The following SEC31A variants were observed in gnomAD, a reference collection of about 807,000 sequenced individuals.
The protein encoded by SEC31A is SEC31 homolog A, COPII component.
Under a neutral mutation model 151.0 loss-of-function variants are expected in SEC31A, and 70 were observed. The ratio of observed to expected loss-of-function variants is 0.46; its 90% CI spans 0.38 to 0.57. The LOEUF (loss-of-function observed/expected upper bound fraction) is 0.57. SEC31A is among the 20% of genes least tolerant of loss of function. The pLI, the probability that SEC31A is intolerant of heterozygous loss-of-function variation, is 0.00. For synonymous variants in SEC31A, 475 were observed against 505.9 expected (o/e 0.94, Z 0.82); for missense variants, 1,330 against 1,471.2 (o/e 0.90, Z 1.57).
At chr4:82,898,401 G>A (rs184815659) in intron 3 of SEC31A, among the ~76,000 whole-genome samples, 15 of 152,210 alleles carry the variant, frequency 9.9e-5, no homozygotes, top group Non-Finnish European at 1.8e-4. Flanking sequence ...TTCCTATGCA[G>A]AAGTAAATAT....
chr4:82,823,029 C>T (rs1436080570), intron 25 of SEC31A, among the ~76,000 whole-genome samples: 1 of 152,140 alleles, frequency 6.6e-6, no homozygotes, highest in East Asian at 1.9e-4. Context: ...AGCCCTACCC[C>T]AAGGGGGCAA....
chr4:82,870,348 A>G lies in SEC31A; in HGVS notation c.859T>C (p.Cys287Arg). The G allele has an allele frequency of 6.2e-7, 1 of 1,613,928 alleles. No individual in the cohort carries two copies. The highest frequency in any genetic ancestry group is 8.5e-7 in the Non-Finnish European group (1 of 1,179,812). ...LSCGKDAKIL[C>R]SNPNTGEVLY... ...ACCTCTCCTGTGTTTGGATTGGAGC[A>G]GAGAATCTTAGCATCTTTTCCACAG... Residue 287 changes from cysteine to arginine, a missense_variant, in exon 8 of 27, where the codon TGC becomes CGC. Cys to Arg is a radical substitution (Grantham distance 180). Transcript: ENST00000395310.
intron 5 of SEC31A, 96 bp downstream of exon 5, chr4:82,875,631 G>A: frequency 1.5e-6 from 1 of 684,008 alleles, no homozygotes; most frequent in South Asian, 1.8e-5. Context: ...AAACATATAT[G>A]TTTTGTGTGA....
At position 82,818,984 on chromosome 4, in the gene SEC31A, T is replaced by A. The variant is rs531962920; in HGVS notation, c.*90A>T. 7.1e-5 allele frequency: 72 copies of A among 1,008,380 alleles called. No homozygotes were observed. In the East Asian group the frequency reaches 1.8e-3, roughly 25 times the overall value. 62.5% of individuals were successfully genotyped at this position (1,008,380 alleles called of 1,614,324 possible). ...TTGACTGGTTGCTATGCAAACATGCTAATGAGGACTAGTCCATGTCTTATA... is the reference window on the plus strand; with the variant it reads ...TTGACTGGTTGCTATGCAAACATGCAAATGAGGACTAGTCCATGTCTTATA... On this transcript the variant is annotated 3_prime_UTR_variant, in exon 27 of 27. Coordinates refer to ENST00000395310, the MANE Select transcript of SEC31A (RefSeq NM_001077207.4).
intron 22 of SEC31A, among the ~76,000 whole-genome samples, chr4:82,830,305 A>G (rs953047877): frequency 5.9e-5 from 9 of 152,060 alleles, no homozygotes; most frequent in Admixed American, 5.9e-4. Flanking sequence ...TACTAAAAAT[A>G]CAAAAATTAG....
chr4:82,878,772 C>A lies in SEC31A; in HGVS notation c.360G>T (p.Lys120Asn). 2 of 1,614,064 alleles carry A rather than the reference C, an allele frequency of 1.2e-6. No individual in the cohort carries two copies. Among genetic ancestry groups the A allele is most frequent in the Non-Finnish European group, 1.7e-6 (2 of 1,179,950 alleles). ...CCAAGGCTCTCACTGGGCCAGTATGCTTGTCATTCTGGGCAATCACAACTT... is the reference window on the plus strand; with the variant it reads ...CCAAGGCTCTCACTGGGCCAGTATGATTGTCATTCTGGGCAATCACAACTT... ...DKEVVIAQNDKHTGPVRALDV... is the reference protein window; with the variant it reads ...DKEVVIAQNDNHTGPVRALDV... Residue 120 changes from lysine (K) to asparagine (N), a missense_variant, in exon 4 of 27, where the codon AAG becomes AAT. By Grantham distance (94) the Lys-to-Asn change is moderately conservative. Coordinates refer to ENST00000395310, the MANE Select transcript of SEC31A (RefSeq NM_001077207.4).
intron 15 of SEC31A, 46 bp from the exon 16 acceptor site, chr4:82,857,176 A>T (rs1375992531): frequency 6.5e-7 from 1 of 1,527,472 alleles, no homozygotes. Context: ...AGTTTTTGTT[A>T]CCAAAACCAA....
intron 22 of SEC31A, among the ~76,000 whole-genome samples, chr4:82,835,281 G>A (rs377693232): frequency 2.0e-5 from 3 of 152,048 alleles, no homozygotes; most frequent in South Asian, 2.1e-4. Context: ...GATTCATTAC[G>A]GATGTGAAAA....
chr4:82,871,323 CA>C (rs1736616097), intron 7 of SEC31A: 3 of 1,499,616 alleles, frequency 2.0e-6, no homozygotes, highest in Admixed American at 2.1e-5. Context: ...CACACACACA[CA>C]CACACACACA....
At chr4:82,841,730 G>A (rs1728924106) in intron 22 of SEC31A, among the ~76,000 whole-genome samples, 1 of 151,666 alleles carries the variant, frequency 6.6e-6, no homozygotes, top group African/African-American at 2.4e-5. Context: ...CCAGCACTTT[G>A]GGAGGCCGAA....
intron 21 of SEC31A, 146 bp downstream of exon 21, chr4:82,844,240 A>G (rs1395082312): frequency 6.2e-6 from 5 of 809,178 alleles, no homozygotes; most frequent in South Asian, 2.1e-5. Context: ...CTAAAAAAAC[A>G]TGTCTCTTTG....
intron 18 of SEC31A, among the ~76,000 whole-genome samples, chr4:82,852,975 G>A (rs1199957327): frequency 6.6e-5 from 10 of 152,138 alleles, no homozygotes; most frequent in Admixed American, 3.9e-4. Context: ...ATAAGGGTTC[G>A]TGCTCCCACG....
At chr4:82,884,908 A>T (rs1254153204) in intron 1 of SEC31A, among the ~76,000 whole-genome samples, 1 of 152,192 alleles carries the variant, frequency 6.6e-6, no homozygotes, top group African/African-American at 2.4e-5. Context: ...ACAGTGAATT[A>T]AGTCTCTTAC....
At position 82,851,448 on chromosome 4, in the gene SEC31A, G is replaced by T; in HGVS notation, c.2311C>A (p.Pro771Thr). 6.2e-7 allele frequency: 1 copy of T among 1,611,822 alleles called. No individual in the cohort carries two copies. The highest frequency in any genetic ancestry group is 8.5e-7 in the Non-Finnish European group (1 of 1,179,112). Residue 771 changes from proline to threonine, a missense_variant, in exon 19 of 27, where the codon CCT becomes ACT. Physicochemically the swap from Pro to Thr is conservative, Grantham distance 38. Coordinates refer to ENST00000395310, the MANE Select transcript of SEC31A (RefSeq NM_001077207.4). Reference protein sequence around the residue: ...GSIAAALAFLPDNTNQPNIMQ... With the variant: ...GSIAAALAFLTDNTNQPNIMQ... ...CTAATTACCTGGTTGGTGTTGTCAG[G>T]AAGAAAAGCCAAGGCTGCAGCAATA... is the stretch of plus-strand genomic sequence containing the variant.
At chr4:82,894,389 C>T (rs1719972711), upstream of SEC31A, 1 of 152,160 alleles carries the variant, frequency 6.6e-6, no homozygotes, top group South Asian at 2.1e-4. Context: ...CCATTGAAAG[C>T]TCTATTCTTG....
upstream of SEC31A, among the ~76,000 whole-genome samples, chr4:82,895,959 G>A (rs1231437099): frequency 6.6e-6 from 1 of 152,162 alleles, no homozygotes; most frequent in Non-Finnish European, 1.5e-5. Flanking sequence ...CTAGTTGTAA[G>A]ATTCTCATTG....
At chr4:82,845,777 C>T (rs1047791950) in intron 20 of SEC31A, among the ~76,000 whole-genome samples, 1 of 152,024 alleles carries the variant, frequency 6.6e-6, no homozygotes, top group Admixed American at 6.6e-5. Flanking sequence ...AAAGTCATAT[C>T]AGTCCAATAT....
intron 14 of SEC31A, 146 bp from the exon 15 acceptor site, chr4:82,857,910 A>T (rs1201085880): frequency 1.8e-6 from 1 of 549,274 alleles, no homozygotes; most frequent in East Asian, 3.1e-5. Flanking sequence ...CAAATTTACA[A>T]CTAAGATCTA....
At position 82,824,823 on chromosome 4, in the gene SEC31A, C is replaced by T. The variant is rs566425408; in HGVS notation, c.3292-149G>A. 10 of 881,744 alleles carry T rather than the reference C, an allele frequency of 1.1e-5. No individual in the cohort carries two copies. In the South Asian group the frequency reaches 2.1e-4, roughly 19 times the overall value. 54.6% of individuals were successfully genotyped at this position (881,744 alleles called of 1,614,324 possible). A position where few individuals can be genotyped will look rare whatever the true frequency, so the allele number is the denominator to read the frequency against. ...AAAATTTAATGTGTGAAATCACTTA[C>T]GATAAGTAAAAATAAAAACCAGATA... On this transcript the variant is annotated intron_variant, in intron 24 of 26. Transcript: ENST00000395310.
Sources: gnomAD v4.1 joint callset for allele counts (sites outside exome capture counted in the v4.1 genomes callset) on GRCh38, gnomAD v4.1.1 for gene constraint, MANE v1.5 for transcripts, NCBI Gene and HGNC (gene_info 2026-07-23, HGNC 2026-07-21) for gene names.